The following ABCA2 variants were observed in gnomAD, a reference collection of about 807,000 sequenced individuals.
ABCA2 encodes the protein ATP binding cassette subfamily A member 2.
A neutral mutation model predicts 262.8 loss-of-function variants in ABCA2; 84 were observed. The ratio of observed to expected loss-of-function variants is 0.32; its 90% CI spans 0.27 to 0.38. The LOEUF is 0.38. Ranked by LOEUF, ABCA2 falls within the 10% of genes least tolerant of loss-of-function variation. The probability of loss-of-function intolerance (pLI) is 1.00; values close to 1 mark genes in which losing one functional copy is unlikely to be tolerated. For missense variants in ABCA2, 2,662 were observed against 3,405.9 expected, an observed-to-expected ratio of 0.78 and a Z score of 5.44; for synonymous variants, 1,696 against 1,502.9, an observed-to-expected ratio of 1.13 and a Z score of -2.97.
At chr9:137,018,628 A>C in intron 13 of ABCA2, 91 bp downstream of exon 13, 1 of 914,212 alleles carries the variant, frequency 1.1e-6, no homozygotes, top group Non-Finnish European at 1.5e-6. Context: ...GGCGCGGCCA[A>C]GGAGTGGGAG....
Position 137,017,967 on chromosome 9 carries a change from A to G in ABCA2, c.2096+6T>C. 6.2e-7 allele frequency: 1 copy of G among 1,612,554 alleles called. No homozygotes were observed. The highest frequency in any genetic ancestry group is 8.5e-7 in the Non-Finnish European group (1 of 1,179,878). On this transcript the variant is annotated splice_donor_region_variant and intron_variant, in intron 15 of 48. Coordinates refer to ENST00000341511, the MANE Select transcript of ABCA2 (RefSeq NM_001606.5). The stretch of plus-strand genomic sequence containing the variant: ...CCAGCCCCAGCCCCGGGCGCCCAGC[A>G]CTCACTCATCGCGTGTGTAGCAGGG...
chr9:137,010,150 G>C, intron 41 of ABCA2, 26 bp from the exon 42 acceptor site: 1 of 1,592,318 alleles, frequency 6.3e-7, no homozygotes, highest in Non-Finnish European at 8.5e-7. Context: ...CTGTCAGCGC[G>C]TGAGGACGCG....
At chr9:137,010,535 C>T (rs764767354) in intron 40 of ABCA2, 85 bp downstream of exon 40, 9 of 1,536,374 alleles carry the variant, frequency 5.9e-6, no homozygotes, top group South Asian at 1.1e-5. Flanking sequence ...CCTGCCCACC[C>T]AGGCTCCACC....
chr9:137,021,165 G>A lies in ABCA2; in HGVS notation c.898-104C>T, dbSNP rs1204322592. 3 of 1,420,452 alleles carry A rather than the reference G, an allele frequency of 2.1e-6. No individual in the cohort carries two copies. In the African/African-American group the frequency reaches 4.3e-5, roughly 20 times the overall value. The allele number at this position is 1,420,452 out of a possible 1,614,324, so 88.0% of individuals were successfully genotyped here. A position where few individuals can be genotyped will look rare whatever the true frequency, so the allele number is the denominator to read the frequency against. On this transcript the variant is annotated intron_variant, in intron 8 of 48. Transcript: ENST00000341511. This position sits in a 1 kb window ranked among gnomAD's most constrained non-coding sequence, Gnocchi z 6.0. ...GACAGCAGCAGGGAGACACAAGCTA[G>A]GGGTGCTGGGAGGGAGTCTGCAGCC...
At chr9:137,026,492 T>G (rs1043167011) in intron 1 of ABCA2, among the ~76,000 whole-genome samples, 7 of 152,276 alleles carry the variant, frequency 4.6e-5, no homozygotes, top group Non-Finnish European at 7.4e-5. Context: ...TCAGCCTCCC[T>G]GGGGGAAACA....
At position 137,020,868 on chromosome 9, in the gene ABCA2, G is replaced by A. The variant is rs188491052; in HGVS notation, c.1091C>T (p.Ala364Val). Residue 364 changes from alanine (A) to valine (V), a missense_variant, in exon 9 of 49, where the codon GCG (alanine) becomes GTG (valine). Ala to Val is a moderately conservative substitution (Grantham distance 64, BLOSUM62 0). Coordinates refer to ENST00000341511, the MANE Select transcript of ABCA2 (RefSeq NM_001606.5). ...CCCAGTGCCATTGGCCGCCCCACCCGCACCACTGGCTGGGGGTCCGGGGGT... is the reference window on the plus strand; with the variant it reads ...CCCAGTGCCATTGGCCGCCCCACCCACACCACTGGCTGGGGGTCCGGGGGT... ...GRTPGPPASGAGGAANGTGAG... is the reference protein window; with the variant it reads ...GRTPGPPASGVGGAANGTGAG... 5.1e-4 allele frequency: 795 copies of A among 1,545,590 alleles called. 4 individuals are homozygous for A. The African/African-American group carries it at 9.8e-3, about 19-fold the overall frequency.
chr9:137,014,589 A>T lies in ABCA2; in HGVS notation c.4003+101T>A, dbSNP rs1198248461. On this transcript the variant is annotated intron_variant, in intron 26 of 48. Transcript: ENST00000341511. ...GGGCGTCCCCTGGCTTCCACCCAGG[A>T]CCAGGGTGGCGCCCCCAGACACCAG... is the stretch of plus-strand genomic sequence containing the variant. 44 of 1,508,212 alleles carry T rather than the reference A, an allele frequency of 2.9e-5. No homozygotes were observed. The East Asian group carries it at 1.1e-3, about 37-fold the overall frequency. The allele number at this position is 1,508,212 out of a possible 1,614,324, so 93.4% of individuals were successfully genotyped here.
chr9:137,028,858 C>T (rs751534195), upstream of ABCA2: 33 of 1,325,208 alleles, frequency 2.5e-5, no homozygotes, highest in East Asian at 1.2e-4. The surrounding 1 kb of genome is among the most constrained non-coding windows in gnomAD (Gnocchi z 6.9). Context: ...GCACGCGGCT[C>T]GTTTTTCTCC....
In ABCA2 at chr9:137,021,086, A is replaced by G; in HGVS notation, c.898-25T>C. ...GCTGAGGGGAAACAGGCACGTGGGC[A>G]GTGCGGGGTGAGATGGACTGCAGGT... On this transcript the variant is annotated intron_variant, in intron 8 of 48. Coordinates refer to ENST00000341511, the MANE Select transcript of ABCA2 (RefSeq NM_001606.5). The surrounding 1 kb of genome is among the most constrained non-coding windows in gnomAD (Gnocchi z 6.0). 6.8e-7 allele frequency: 1 copy of G among 1,463,914 alleles called. No homozygotes were observed. Among genetic ancestry groups the G allele is most frequent in the East Asian group, 2.5e-5 (1 of 40,716 alleles). The allele number at this position is 1,463,914 out of a possible 1,614,324, so 90.7% of individuals were successfully genotyped here.
chr9:137,019,316 G>A lies in ABCA2; in HGVS notation c.1426-10C>T, dbSNP rs368987832. 4.3e-6 allele frequency: 7 copies of A among 1,612,064 alleles called. No individual in the cohort carries two copies. The African/African-American group carries it at 9.3e-5, about 22-fold the overall frequency. On this transcript the variant is annotated splice_polypyrimidine_tract_variant and intron_variant, in intron 10 of 48. Transcript: ENST00000341511. This position sits in a 1 kb window ranked among gnomAD's most constrained non-coding sequence, Gnocchi z 4.4. ...CAAAAGTCTCGTTGGCCTGCAGGGG[G>A]TGAGGCAGGGGCATGGAGTTTCTGG... is the stretch of plus-strand genomic sequence containing the variant.
intron 10 of ABCA2, chr9:137,020,029 A>G: frequency 3.0e-6 from 1 of 328,422 alleles, no homozygotes; most frequent in South Asian, 4.1e-5. Flanking sequence ...CTGCCCGCCC[A>G]CGAGACACTC....
chr9:137,015,367 C>T (rs530350065), intron 24 of ABCA2, 47 bp downstream of exon 24: 52 of 1,516,906 alleles, frequency 3.4e-5, no homozygotes, highest in African/African-American at 2.1e-4. Context: ...GTGGGGGTCC[C>T]GGGGAGAAGG....
chr9:137,016,542 C>T (rs1331819562), intron 20 of ABCA2, 32 bp downstream of exon 20: 1 of 1,612,220 alleles, frequency 6.2e-7, no homozygotes, highest in Admixed American at 1.7e-5. Flanking sequence ...ACCCAGCGCC[C>T]ACCCCAGCCA....
At chr9:137,014,481 T>G in intron 26 of ABCA2, 77 bp from the exon 27 acceptor site, 1 of 1,487,610 alleles carries the variant, frequency 6.7e-7, no homozygotes, top group Non-Finnish European at 9.1e-7. Flanking sequence ...ATCCCCGGTC[T>G]TGACCCCAGT....
At position 137,007,749 on chromosome 9, in the gene ABCA2, A is replaced by G. The variant is rs372766501; in HGVS notation, c.*180T>C. 18 of 820,578 alleles carry G rather than the reference A, an allele frequency of 2.2e-5. No individual in the cohort carries two copies. The African/African-American group carries it at 3.1e-4, about 14-fold the overall frequency. 50.8% of individuals were successfully genotyped at this position (820,578 alleles called of 1,614,324 possible). On this transcript the variant is annotated 3_prime_UTR_variant, in exon 49 of 49. Coordinates refer to ENST00000341511, the MANE Select transcript of ABCA2 (RefSeq NM_001606.5). ...AGCCTTTGGCACAATTAGGGGCGGCAACCGCAGTGACCACAGGGCATGGCC... is the reference window on the plus strand; with the variant it reads ...AGCCTTTGGCACAATTAGGGGCGGCGACCGCAGTGACCACAGGGCATGGCC...
chr9:137,015,356 G>A, intron 24 of ABCA2, 58 bp downstream of exon 24: 1 of 1,501,088 alleles, frequency 6.7e-7, no homozygotes. Flanking sequence ...TGGATTCTCA[G>A]GTGGGGGTCC....
intron 26 of ABCA2, 76 bp from the exon 27 acceptor site, chr9:137,014,480 C>T (rs1831183060): frequency 6.7e-7 from 1 of 1,492,230 alleles, no homozygotes. Context: ...CATCCCCGGT[C>T]TTGACCCCAG....
chr9:137,019,426 T>A lies in ABCA2; in HGVS notation c.1426-120A>T. The A allele has an allele frequency of 1.3e-4, 73 of 540,858 alleles. No individual in the cohort carries two copies. Among genetic ancestry groups the A allele is most frequent in the Non-Finnish European group, 1.6e-4 (65 of 397,916 alleles). 33.5% of individuals were successfully genotyped at this position (540,858 alleles called of 1,614,324 possible). A position where few individuals can be genotyped will look rare whatever the true frequency, so the allele number is the denominator to read the frequency against. On this transcript the variant is annotated intron_variant, in intron 10 of 48. Coordinates refer to ENST00000341511, the MANE Select transcript of ABCA2 (RefSeq NM_001606.5). This position sits in a 1 kb window ranked among gnomAD's most constrained non-coding sequence, Gnocchi z 4.4. The stretch of plus-strand genomic sequence containing the variant: ...TGCCAACAACTAACCCTCCCCACCT[T>A]TTTTTTTTTTTTTTTCCTGAGACAG...
At position 137,017,138 on chromosome 9, in the gene ABCA2, G is replaced by C; in HGVS notation, c.2554-14C>G. On this transcript the variant is annotated splice_polypyrimidine_tract_variant and intron_variant, in intron 18 of 48. Coordinates refer to ENST00000341511, the MANE Select transcript of ABCA2 (RefSeq NM_001606.5). ...GGACATGAGGGACTGAGAAGGCAGTGGTGTCAGCACGTGGGGTGGCCCGGC... is the reference window on the plus strand; with the variant it reads ...GGACATGAGGGACTGAGAAGGCAGTCGTGTCAGCACGTGGGGTGGCCCGGC... The C allele has an allele frequency of 1.2e-6, 2 of 1,612,002 alleles. No homozygotes were observed. Among genetic ancestry groups the C allele is most frequent in the Non-Finnish European group, 1.7e-6 (2 of 1,179,402 alleles).
Sources: gnomAD v4.1 joint callset for allele counts (sites outside exome capture counted in the v4.1 genomes callset) on GRCh38, gnomAD v4.1.1 for gene constraint, Gnocchi (gnomAD v3.1) non-coding constraint, MANE v1.5 for transcripts, NCBI Gene and HGNC (gene_info 2026-07-23, HGNC 2026-07-21) for gene names.